Variants in PBK observed in about 807,000 individuals in gnomAD.
The protein encoded by PBK is PDZ binding kinase, also known as lymphokine-activated killer T-cell-originated protein kinase.
In PBK, 22 loss-of-function variants were observed where a neutral mutation model predicts 33.5. The observed-to-expected ratio is 0.66, with a 90% CI of 0.47 to 0.94. The LOEUF (loss-of-function observed/expected upper bound fraction) is 0.94. Ranked by LOEUF, PBK falls within the 40% of genes least tolerant of loss-of-function variation. The probability of loss-of-function intolerance (pLI) is 0.00; values close to 1 mark genes in which losing one functional copy is unlikely to be tolerated. For missense variants in PBK, 376 were observed against 383.4 expected (o/e 0.98, Z 0.16); for synonymous variants, 129 against 123.8 (o/e 1.04, Z -0.28).
chr8:27,833,712 TA>T (rs34622248), intron 1 of PBK, among the ~76,000 whole-genome samples: 6 of 149,980 alleles, frequency 4.0e-5, no homozygotes, highest in Non-Finnish European at 4.4e-5. Context: ...TGCACTTAGC[TA>T]AAAAAAAAAT....
intron 4 of PBK, among the ~76,000 whole-genome samples, 186 bp downstream of exon 4, chr8:27,822,877 T>C (rs1315396719): frequency 2.0e-5 from 3 of 152,180 alleles, no homozygotes; most frequent in East Asian, 3.8e-4. Context: ...GAAGTTTATA[T>C]ACTTAGGCAT....
At chr8:27,830,074 G>A (rs1436412920) in intron 2 of PBK, among the ~76,000 whole-genome samples, 2 of 151,216 alleles carry the variant, frequency 1.3e-5, no homozygotes, top group African/African-American at 4.9e-5. Flanking sequence ...GTGGTAGCAC[G>A]TGCCTGTAAT....
chr8:27,832,542 A>T (rs1293156830), intron 2 of PBK, among the ~76,000 whole-genome samples: 3 of 152,238 alleles, frequency 2.0e-5, no homozygotes, highest in African/African-American at 4.8e-5. Context: ...TGAGTTTAGG[A>T]CGGTTGCAGG....
chr8:27,832,265 A>G (rs1585436017), intron 2 of PBK, among the ~76,000 whole-genome samples: 1 of 152,318 alleles, frequency 6.6e-6, no homozygotes, highest in Admixed American at 6.5e-5. Flanking sequence ...CCCACTCACG[A>G]TAATAACTAG....
Position 27,810,355 on chromosome 8 carries a change from C to CT in PBK, c.918dup (p.Asp307ArgfsTer10). 1 of 1,612,954 alleles carries CT rather than the reference C, an allele frequency of 6.2e-7. No homozygotes were observed. Among genetic ancestry groups the CT allele is most frequent in the South Asian group, 1.1e-5 (1 of 91,032 alleles). The stretch of plus-strand genomic sequence containing the variant: ...ACAATGTGTGCAGCAGAAGGACGAT[C>CT]TTTAGGGTCTTCATTAGTGCATACA... On this transcript the variant is annotated frameshift_variant, in exon 8 of 8. Coordinates refer to ENST00000301905, the MANE Select transcript of PBK (RefSeq NM_018492.4). LOFTEE classifies it high-confidence loss of function.
intron 3 of PBK, 120 bp downstream of exon 3, chr8:27,827,985 C>A: frequency 1.8e-6 from 1 of 553,226 alleles, no homozygotes; most frequent in Non-Finnish European, 3.3e-6. Context: ...CAGCCATCAG[C>A]CAGGATCAGG....
chr8:27,811,282 A>G (rs1013931494), intron 6 of PBK, 148 bp from the exon 7 acceptor site: 20 of 671,610 alleles, frequency 3.0e-5, no homozygotes, highest in Non-Finnish European at 4.2e-5. Flanking sequence ...CAACCTCAAT[A>G]AGGATTACTT....
chr8:27,833,858 G>A (rs1346416995), intron 1 of PBK, among the ~76,000 whole-genome samples: 1 of 152,078 alleles, frequency 6.6e-6, no homozygotes, highest in Non-Finnish European at 1.5e-5. Context: ...AGAAACAACA[G>A]AACTCTGCAT....
rs889625526 is a variant in PBK, at chr8:27,826,624, G to A, written c.152+1481C>T. On this transcript the variant is annotated intron_variant, in intron 3 of 7. Transcript: ENST00000301905. ...ATCCTGGCTAACACGGTGAAACCCC[G>A]TCTCTACTAAAAATACAAAAAATTA... 3.6e-5 allele frequency among the ~76,000 whole-genome samples: 4 copies of A among 111,012 alleles called. 1 individual carries two copies. Among genetic ancestry groups the A allele is most frequent in the Admixed American group, 1.7e-4 (2 of 11,798 alleles). 72.8% of individuals were successfully genotyped at this position (111,012 alleles called of 152,430 possible).
At chr8:27,829,789 C>T (rs1452629721) in intron 2 of PBK, among the ~76,000 whole-genome samples, 1 of 150,996 alleles carries the variant, frequency 6.6e-6, no homozygotes, top group Non-Finnish European at 1.5e-5. Context: ...ATGGCGTGAA[C>T]CCAGGAGGCG....
intron 1 of PBK, among the ~76,000 whole-genome samples, chr8:27,834,448 T>C (rs1806190673): frequency 6.6e-6 from 1 of 152,258 alleles, no homozygotes; most frequent in Non-Finnish European, 1.5e-5. Flanking sequence ...ATGGGATTTC[T>C]TTCTGGGGTG....
chr8:27,836,113 A>G (rs982826941), intron 1 of PBK, among the ~76,000 whole-genome samples: 9 of 152,220 alleles, frequency 5.9e-5, no homozygotes, highest in Non-Finnish European at 4.4e-5. Flanking sequence ...ATTTGAGTTT[A>G]AAGTGGTCAA....
At chr8:27,820,822 AAATTT>A (rs1043697687) in intron 5 of PBK, 128 bp from the exon 6 acceptor site, 4 of 399,964 alleles carry the variant, frequency 1.0e-5, no homozygotes, top group African/African-American at 3.6e-5. Context: ...CAGCGTTTCA[AAATTT>A]TTTTTTTTTT....
intron 6 of PBK, among the ~76,000 whole-genome samples, chr8:27,819,114 T>G (rs1200397182): frequency 6.6e-6 from 1 of 152,186 alleles, no homozygotes; most frequent in Non-Finnish European, 1.5e-5. Context: ...TTATAAAACT[T>G]TTTATCTGCT....
In PBK at chr8:27,811,146, A is replaced by C. The variant is rs1207857504; in HGVS notation, c.596-12T>G. ...CTCAGGGTCAGTCACTGAAACAAGCAAGATGGTTATGAAGGCAGGAGCTAC... is the reference window on the plus strand; with the variant it reads ...CTCAGGGTCAGTCACTGAAACAAGCCAGATGGTTATGAAGGCAGGAGCTAC... On this transcript the variant is annotated splice_polypyrimidine_tract_variant and intron_variant, in intron 6 of 7. Coordinates refer to ENST00000301905, the MANE Select transcript of PBK (RefSeq NM_018492.4). 1 of 1,613,470 alleles carries C rather than the reference A, an allele frequency of 6.2e-7. No individual in the cohort carries two copies.
At chr8:27,813,237 A>G (rs953696954) in intron 6 of PBK, among the ~76,000 whole-genome samples, 1 of 152,108 alleles carries the variant, frequency 6.6e-6, no homozygotes, top group African/African-American at 2.4e-5. Flanking sequence ...CAAACACCAC[A>G]TGTCCTGACT....
At chr8:27,822,547 C>CT in intron 4 of PBK, 59 bp from the exon 5 acceptor site, 1 of 1,162,972 alleles carries the variant, frequency 8.6e-7, no homozygotes, top group Non-Finnish European at 1.2e-6. Flanking sequence ...TATTTAAGTC[C>CT]TTTATAGTAA....
chr8:27,827,591 A>G (rs1187301346), intron 3 of PBK, among the ~76,000 whole-genome samples: 1 of 152,224 alleles, frequency 6.6e-6, no homozygotes, highest in Non-Finnish European at 1.5e-5. Flanking sequence ...TATTGGCACC[A>G]TACTTGTTCG....
At chr8:27,821,701 C>T (rs943362638) in intron 5 of PBK, among the ~76,000 whole-genome samples, 2 of 152,056 alleles carry the variant, frequency 1.3e-5, no homozygotes, top group African/African-American at 4.8e-5. Context: ...TCAAAAGATA[C>T]CACAATTTTG....
Sources: allele counts gnomAD v4.1 joint callset (sites outside exome capture counted in the v4.1 genomes callset), GRCh38; gene constraint gnomAD v4.1.1; transcripts MANE v1.5; gene names NCBI Gene and HGNC (gene_info 2026-07-23, HGNC 2026-07-21).